Variants in FBP1 observed in about 807,000 individuals in gnomAD.
FBP1 encodes fructose-bisphosphatase 1.
FBP1 carries 22 observed loss-of-function variants against 29.9 expected under a neutral mutation model. That is an observed-to-expected ratio of 0.74 (90% CI 0.53 to 1.05). The LOEUF is 1.05. Ranked by LOEUF, FBP1 falls within the 50% of genes least tolerant of loss-of-function variation. The probability of loss-of-function intolerance (pLI) is 0.00; values close to 1 mark genes in which losing one functional copy is unlikely to be tolerated. For synonymous variants in FBP1, 175 were observed against 178.6 expected (o/e 0.98, Z 0.16); for missense variants, 345 against 448.2 (o/e 0.77, Z 2.08).
Position 94,605,476 on chromosome 9 carries a change from T to A in FBP1, c.806A>T (p.Lys269Met), listed in dbSNP as rs758394116. Residue 269 changes from lysine to methionine, a missense_variant, in exon 6 of 7, where the codon AAG (lysine) becomes ATG (methionine). Lys to Met is a moderately conservative substitution (Grantham distance 95). Coordinates refer to ENST00000375326, the MANE Select transcript of FBP1 (RefSeq NM_000507.4). ...YGGIFLYPAN[K>M]KSPNGKLRLL... is the part of the protein sequence containing the mutation. ...CCTTACCTTTCCATTGGGGCTCTTC[T>A]TGTTAGCGGGGTACAGAAATATCCC... The A allele has an allele frequency of 9.9e-6, 16 of 1,614,020 alleles. No homozygotes were observed. The South Asian group carries it at 1.8e-4, about 18-fold the overall frequency.
At chr9:94,639,730 C>T (rs987596392), upstream of FBP1, among the ~76,000 whole-genome samples, 1 of 149,548 alleles carries the variant, frequency 6.7e-6, no homozygotes, top group African/African-American at 2.5e-5. Context: ...TGTCGCCCCC[C>T]ACACACACCC....
intron 3 of FBP1, among the ~76,000 whole-genome samples, chr9:94,611,529 G>T (rs1827785786): frequency 6.6e-6 from 1 of 152,058 alleles, no homozygotes; most frequent in Non-Finnish European, 1.5e-5. Context: ...AAGGTAGGAG[G>T]ATCATTTGAG....
Position 94,603,219 on chromosome 9 carries a change from G to A in FBP1, c.*162C>T. The A allele has an allele frequency of 1.5e-6, 1 of 687,640 alleles. No individual in the cohort carries two copies. Among genetic ancestry groups the A allele is most frequent in the South Asian group, 1.6e-5 (1 of 61,882 alleles). 42.6% of individuals were successfully genotyped at this position (687,640 alleles called of 1,614,324 possible). On this transcript the variant is annotated 3_prime_UTR_variant, in exon 7 of 7. Transcript: ENST00000375326. Reference sequence around the variant, plus strand: ...AGTGGCATTATGGAGACAGCATTTGGTTAGGGAGTGCCAAGCATTCTACAG... The same window carrying A: ...AGTGGCATTATGGAGACAGCATTTGATTAGGGAGTGCCAAGCATTCTACAG...
At chr9:94,608,691 T>G (rs926447349) in intron 4 of FBP1, among the ~76,000 whole-genome samples, 2 of 150,602 alleles carry the variant, frequency 1.3e-5, no homozygotes, top group African/African-American at 4.9e-5. Context: ...TAAGTGCCCA[T>G]GCTTCCAAGG....
intron 1 of FBP1, among the ~76,000 whole-genome samples, chr9:94,638,853 C>A (rs149792573): frequency 6.6e-6 from 1 of 152,168 alleles, no homozygotes; most frequent in Admixed American, 6.5e-5. Context: ...ACGAGGCAGG[C>A]TGCTCAGGGC....
intron 1 of FBP1, among the ~76,000 whole-genome samples, chr9:94,635,918 C>T (rs1389597796): frequency 5.3e-5 from 8 of 152,258 alleles, no homozygotes; most frequent in South Asian, 4.1e-4. Flanking sequence ...TGTTAAATAA[C>T]AAAGCAAACT....
At position 94,639,234 on chromosome 9, in the gene FBP1, C is replaced by T. The variant is rs1450570252; in HGVS notation, c.77G>A (p.Arg26His). The change falls in exon 1 of 7, where the codon CGC (arginine) becomes CAC (histidine). Residue 26 changes from arginine (R) to histidine (H), a missense_variant. Transcript: ENST00000375326. Reference protein sequence around the residue: ...RFVMEEGRKARGTGELTQLLN... With the variant: ...RFVMEEGRKAHGTGELTQLLN... ...CAGCTGGGTCAACTCGCCCGTGCCGCGGGCCTTCCTGCCCTCCTCCATGAC... is the reference window on the plus strand; with the variant it reads ...CAGCTGGGTCAACTCGCCCGTGCCGTGGGCCTTCCTGCCCTCCTCCATGAC... 2 of 1,601,828 alleles carry T rather than the reference C, an allele frequency of 1.2e-6. No individual in the cohort carries two copies. The highest frequency in any genetic ancestry group is 1.1e-5 in the South Asian group (1 of 88,970).
Position 94,615,883 on chromosome 9 carries a change from A to G in FBP1, c.426+1885T>C, listed in dbSNP as rs181892825. Among the ~76,000 whole-genome samples the G allele has an allele frequency of 4.7e-5, 7 of 148,798 alleles. No homozygotes were observed. The East Asian group carries it at 9.8e-4, about 21-fold the overall frequency. On this transcript the variant is annotated intron_variant, in intron 3 of 6. Coordinates refer to ENST00000375326, the MANE Select transcript of FBP1 (RefSeq NM_000507.4). ...AGCTCTGTCACCCGGACTGGAGTCC[A>G]GTAGCGCGATCTTGGCTCACTGCAA...
intron 1 of FBP1, among the ~76,000 whole-genome samples, chr9:94,638,176 CAAG>C (rs1828223813): frequency 6.6e-6 from 1 of 151,872 alleles, no homozygotes; most frequent in Non-Finnish European, 1.5e-5. Flanking sequence ...AAAAACCTCA[CAAG>C]AAGGGGTCCT....
At chr9:94,603,697 C>T in intron 6 of FBP1, 125 bp from the exon 7 acceptor site, 1 of 897,148 alleles carries the variant, frequency 1.1e-6, no homozygotes, top group South Asian at 1.4e-5. Flanking sequence ...TGTATTTTTC[C>T]TTCCTGTGAG....
At chr9:94,612,881 T>C (rs182702961) in intron 3 of FBP1, among the ~76,000 whole-genome samples, 528 of 152,256 alleles carry the variant, frequency 3.5e-3, no homozygotes, top group African/African-American at 0.012. Context: ...AATGCATGCC[T>C]TTCCTCCAAG....
At chr9:94,604,239 CAA>C (rs11304867) in intron 6 of FBP1, among the ~76,000 whole-genome samples, 10 of 149,712 alleles carry the variant, frequency 6.7e-5, no homozygotes, top group Non-Finnish European at 7.4e-5. Flanking sequence ...TTTGAAAAAC[CAA>C]AAAAAAAAAG....
chr9:94,624,223 A>T (rs1827989584), intron 1 of FBP1, among the ~76,000 whole-genome samples: 3 of 151,916 alleles, frequency 2.0e-5, no homozygotes, highest in African/African-American at 7.3e-5. Flanking sequence ...CTGTAGTCCC[A>T]GCTACTCAGG....
rs753462820 is a variant in FBP1 at position 94,639,251 on chromosome 9, C to T, written c.60G>A (p.Glu20=). The part of the protein sequence containing the change: ...DVNTLTRFVM[E]EGRKARGTGE... Reference sequence around the variant, plus strand: ...CCGTGCCGCGGGCCTTCCTGCCCTCCTCCATGACGAAGCGGGTCAGGGTGT... The same window carrying T: ...CCGTGCCGCGGGCCTTCCTGCCCTCTTCCATGACGAAGCGGGTCAGGGTGT... Residue 20 remains glutamate (E), a synonymous_variant, in exon 1 of 7, where the codon GAG becomes GAA. Coordinates refer to ENST00000375326, the MANE Select transcript of FBP1 (RefSeq NM_000507.4). 1.2e-5 allele frequency: 20 copies of T among 1,603,682 alleles called. No individual in the cohort carries two copies. Among genetic ancestry groups the T allele is most frequent in the Non-Finnish European group, 1.6e-5 (19 of 1,175,404 alleles).
chr9:94,623,061 T>C (rs1170217338), intron 1 of FBP1, among the ~76,000 whole-genome samples: 1 of 152,126 alleles, frequency 6.6e-6, no homozygotes, highest in East Asian at 1.9e-4. Flanking sequence ...CTCGGCTCAC[T>C]GCAACCTCCG....
At chr9:94,638,360 T>C (rs1828226506) in intron 1 of FBP1, among the ~76,000 whole-genome samples, 1 of 152,114 alleles carries the variant, frequency 6.6e-6, no homozygotes, top group East Asian at 1.9e-4. Context: ...CCCAAATGAT[T>C]CCTGTGCCCA....
At chr9:94,614,915 T>A (rs145035724) in intron 3 of FBP1, among the ~76,000 whole-genome samples, 1,816 of 152,244 alleles carry the variant, frequency 0.012, 24 homozygotes, top group African/African-American at 0.039. Flanking sequence ...TTAATTTATT[T>A]ATTTATTTTT....
intron 1 of FBP1, among the ~76,000 whole-genome samples, chr9:94,635,056 A>G (rs796693206): frequency 2.8e-5 from 4 of 140,764 alleles, no homozygotes; most frequent in African/African-American, 1.1e-4. Context: ...ACCACTGCAC[A>G]CCAGCCTGAG....
chr9:94,633,633 C>T (rs564950550), intron 1 of FBP1, among the ~76,000 whole-genome samples: 2 of 152,302 alleles, frequency 1.3e-5, no homozygotes, highest in East Asian at 3.9e-4. Flanking sequence ...CTTTTGCTTC[C>T]CCTGCACGTG....
Sources: gnomAD v4.1 joint callset for allele counts (sites outside exome capture counted in the v4.1 genomes callset) on GRCh38, gnomAD v4.1.1 for gene constraint, MANE v1.5 for transcripts, NCBI Gene and HGNC (gene_info 2026-07-23, HGNC 2026-07-21) for gene names.